SLC5A11: variants seen among roughly 807,000 people sequenced by gnomAD.
SLC5A11 encodes solute carrier family 5 member 11, also known as sodium/myo-inositol cotransporter 2.
In SLC5A11, 48 loss-of-function variants were observed where a neutral mutation model predicts 69.8. That is an observed-to-expected ratio of 0.69 (90% CI 0.55 to 0.87). The LOEUF (loss-of-function observed/expected upper bound fraction) is 0.87, where lower values mean the gene tolerates loss of function less well. Among genes scored for constraint, SLC5A11 ranks in the 40% least tolerant of loss-of-function variants. The probability of loss-of-function intolerance (pLI) is 0.00; values close to 1 mark genes in which losing one functional copy is unlikely to be tolerated. For synonymous variants in SLC5A11, 319 were observed against 342.4 expected (o/e 0.93, Z 0.75); for missense variants, 784 against 866.1 (o/e 0.91, Z 1.19).
At chr16:24,851,042 C>T (rs2059281352) in intron 1 of SLC5A11, among the ~76,000 whole-genome samples, 1 of 151,498 alleles carries the variant, frequency 6.6e-6, no homozygotes, top group Non-Finnish European at 1.5e-5. Flanking sequence ...AACTCTGGAC[C>T]TCAAGCAATC....
chr16:24,876,954 G>A, intron 6 of SLC5A11: 1 of 540,452 alleles, frequency 1.9e-6, no homozygotes, highest in Non-Finnish European at 2.6e-6. Context: ...GAGTGGGGAG[G>A]AGAAGGGTGA....
intron 1 of SLC5A11, among the ~76,000 whole-genome samples, chr16:24,847,840 A>G (rs2059098966): frequency 6.6e-6 from 1 of 152,226 alleles, no homozygotes; most frequent in Non-Finnish European, 1.5e-5. Flanking sequence ...TGTTGTACCA[A>G]CATTTATTGC....
chr16:24,906,697 C>A, exon 11 of SLC5A11: 1 of 1,613,430 alleles, frequency 6.2e-7, no homozygotes, highest in Non-Finnish European at 8.5e-7. Flanking sequence ...GCCAGAAGAT[C>A]TGCAGCAACC....
At chr16:24,910,038 G>A (rs1024815379) in intron 14 of SLC5A11, among the ~76,000 whole-genome samples, 1 of 151,914 alleles carries the variant, frequency 6.6e-6, no homozygotes, top group African/African-American at 2.4e-5. Flanking sequence ...GTTAAGCTCT[G>A]GGGATTAGAA....
At chr16:24,868,136 C>CA (rs1209924410) in intron 3 of SLC5A11, among the ~76,000 whole-genome samples, 4,438 of 89,234 alleles carry the variant, frequency 0.05, 202 homozygotes, top group African/African-American at 0.15. Context: ...GACTCCATTT[C>CA]AAAAAAAAAA....
chr16:24,857,161 C>G (rs2059572942), intron 1 of SLC5A11, among the ~76,000 whole-genome samples: 1 of 152,198 alleles, frequency 6.6e-6, no homozygotes, highest in Non-Finnish European at 1.5e-5. Context: ...ACATCTCTCC[C>G]CATGAACCTG....
At chr16:24,861,381 G>A (rs151010906) in intron 2 of SLC5A11, among the ~76,000 whole-genome samples, 3 of 152,074 alleles carry the variant, frequency 2.0e-5, no homozygotes, top group East Asian at 1.9e-4. Context: ...TTGGAAGGCC[G>A]AGCCAGGAGG....
At chr16:24,900,326 G>A (rs1158313798) in intron 10 of SLC5A11, among the ~76,000 whole-genome samples, 1 of 152,210 alleles carries the variant, frequency 6.6e-6, no homozygotes, top group Non-Finnish European at 1.5e-5. Context: ...AGGGTAGGAT[G>A]AAGTGGTTTG....
At chr16:24,852,059 A>G (rs1018712194) in intron 1 of SLC5A11, among the ~76,000 whole-genome samples, 2 of 142,836 alleles carry the variant, frequency 1.4e-5, no homozygotes, top group Non-Finnish European at 3.0e-5. Context: ...ACTCATCTGG[A>G]AATACGCCTG....
intron 10 of SLC5A11, 139 bp downstream of exon 11, chr16:24,898,248 G>A (rs1424672179): frequency 8.3e-7 from 1 of 1,210,502 alleles, no homozygotes; most frequent in Admixed American, 2.7e-5. Context: ...GTCTCATTCT[G>A]TCATTCAGGT....
intron 9 of SLC5A11, among the ~76,000 whole-genome samples, chr16:24,893,013 G>A (rs2048915569): frequency 6.6e-6 from 1 of 150,620 alleles, no homozygotes; most frequent in Non-Finnish European, 1.5e-5. Context: ...GCTCATGCCT[G>A]TAATCCCAAC....
chr16:24,906,115 C>T (rs780036667), intron 10 of SLC5A11, among the ~76,000 whole-genome samples: 5 of 152,022 alleles, frequency 3.3e-5, no homozygotes, highest in Admixed American at 6.6e-5. Context: ...TGATCATGGA[C>T]GGATCACTTG....
chr16:24,903,934 G>A (rs1051609692), intron 10 of SLC5A11, among the ~76,000 whole-genome samples: 2 of 152,204 alleles, frequency 1.3e-5, no homozygotes, highest in Admixed American at 6.5e-5. Context: ...ATAAAGGAAA[G>A]AGGTTTAATT....
intron 1 of SLC5A11, among the ~76,000 whole-genome samples, chr16:24,849,936 A>T (rs888226949): frequency 1.3e-5 from 2 of 151,726 alleles, no homozygotes; most frequent in East Asian, 1.9e-4. Context: ...TCTTTTTAAA[A>T]TTTTTTATTT....
intron 8 of SLC5A11, among the ~76,000 whole-genome samples, chr16:24,885,106 C>T (rs1461944744): frequency 6.6e-6 from 1 of 152,078 alleles, no homozygotes; most frequent in Non-Finnish European, 1.5e-5. Flanking sequence ...AAAATATTCG[C>T]CCAATTCTTC....
At chr16:24,905,632 G>GCA (rs1567695059) in intron 10 of SLC5A11, among the ~76,000 whole-genome samples, 5 of 74,326 alleles carry the variant, frequency 6.7e-5, no homozygotes, top group Non-Finnish European at 3.1e-5. Flanking sequence ...AAAAACACGC[G>GCA]CGCGCGCGCA....
chr16:24,889,307 A>C (rs2048611565), intron 8 of SLC5A11, among the ~76,000 whole-genome samples: 1 of 151,996 alleles, frequency 6.6e-6, no homozygotes, highest in African/African-American at 2.4e-5. Flanking sequence ...ACATAGTGAG[A>C]TCCATCTCTA....
At chr16:24,847,430 C>A (rs549659712) in intron 1 of SLC5A11, among the ~76,000 whole-genome samples, 13 of 151,146 alleles carry the variant, frequency 8.6e-5, no homozygotes, top group Non-Finnish European at 1.6e-4. Context: ...TCTCTCGTTT[C>A]TTTTCTGTCT....
exon 2 of SLC5A11, chr16:24,858,745 G>A (rs1451346765): frequency 8.1e-6 from 13 of 1,611,622 alleles, no homozygotes; most frequent in East Asian, 4.5e-5. Flanking sequence ...TGCTAGTTCT[G>A]TACTTCCTCT....
Sources: allele counts gnomAD v4.1 joint callset (sites outside exome capture counted in the v4.1 genomes callset), GRCh38; gene constraint gnomAD v4.1.1; transcripts MANE v1.5; gene names NCBI Gene and HGNC (gene_info 2026-07-23, HGNC 2026-07-21).